SLC41A1: variants seen among roughly 807,000 people sequenced by gnomAD.
SLC41A1 encodes the protein solute carrier family 41 (magnesium transporter), member 1.
In SLC41A1, 20 loss-of-function variants were observed where a neutral mutation model predicts 47.3. The ratio of observed to expected loss-of-function variants is 0.42; its 90% CI spans 0.30 to 0.61. The LOEUF (loss-of-function observed/expected upper bound fraction) is 0.61. SLC41A1 is among the 20% of genes least tolerant of loss of function. SLC41A1 has a pLI of 0.17. For synonymous variants in SLC41A1, 282 were observed against 272.7 expected (o/e 1.03, Z -0.34); for missense variants, 504 against 674.1 (o/e 0.75, Z 2.79).
chr1:205,812,901 C>A lies in SLC41A1; in HGVS notation c.-740G>T. ...CAGGGCACCCCCTCTTCTCATCACT[C>A]CTCCTCGACAGTCCTCCTTGGCCCC... On this transcript the variant is annotated 5_prime_UTR_variant, in exon 1 of 11. Coordinates refer to ENST00000367137, the MANE Select transcript of SLC41A1 (RefSeq NM_173854.6). 1.0e-6 allele frequency: 1 copy of A among 985,514 alleles called. No individual in the cohort carries two copies. Among genetic ancestry groups the A allele is most frequent in the Non-Finnish European group, 1.2e-6 (1 of 830,016 alleles). The allele number at this position is 985,514 out of a possible 1,614,324, so 61.0% of individuals were successfully genotyped here. A position where few individuals can be genotyped will look rare whatever the true frequency, so the allele number is the denominator to read the frequency against.
Position 205,810,508 on chromosome 1 carries a change from A to G in SLC41A1, c.-67T>C. 6.2e-7 allele frequency: 1 copy of G among 1,611,792 alleles called. No individual in the cohort carries two copies. Among genetic ancestry groups the G allele is most frequent in the South Asian group, 1.1e-5 (1 of 90,562 alleles). On this transcript the variant is annotated 5_prime_UTR_variant, in exon 2 of 11. Transcript: ENST00000367137. This position sits in a 1 kb window ranked among gnomAD's most constrained non-coding sequence, Gnocchi z 5.5. ...TTTTTGCTTTCTCTCTTCTTCTCTA[A>G]CTTGGGAAAGAACTTAGTCTTGGGG...
chr1:205,803,656 G>C (rs1428345294), intron 2 of SLC41A1, among the ~76,000 whole-genome samples: 6 of 110,116 alleles, frequency 5.4e-5, no homozygotes, highest in African/African-American at 2.2e-4. Flanking sequence ...TTTTTTTCTT[G>C]AGACACGGTC....
chr1:205,799,327 T>C (rs1655817862), intron 4 of SLC41A1, among the ~76,000 whole-genome samples: 2 of 152,234 alleles, frequency 1.3e-5, no homozygotes, highest in African/African-American at 4.8e-5. Context: ...AACATGTTAC[T>C]GGCTGAATGA....
chr1:205,807,648 G>GTTTT lies in SLC41A1; in HGVS notation c.372+2421_372+2422insAAAA, dbSNP rs1170069554. ...ACAAAGAAAATAGGCTCCTCGTAGA[G>GTTTT]TCTTTTTTTTTTTTTTTTTTTTTTT... On this transcript the variant is annotated intron_variant, in intron 2 of 10. Transcript: ENST00000367137. 2.0e-4 allele frequency among the ~76,000 whole-genome samples: 20 copies of GTTTT among 100,146 alleles called. 1 individual carries two copies. The highest frequency in any genetic ancestry group is 2.2e-4 in the Non-Finnish European group (11 of 49,146). The allele number at this position is 100,146 out of a possible 152,430, so 65.7% of individuals were successfully genotyped here. A position where few individuals can be genotyped will look rare whatever the true frequency, so the allele number is the denominator to read the frequency against.
chr1:205,812,677 C>T (rs1321916236), intron 1 of SLC41A1, 131 bp downstream of exon 1: 5 of 921,014 alleles, frequency 5.4e-6, no homozygotes, highest in Non-Finnish European at 6.5e-6. Flanking sequence ...ATCCCCAACC[C>T]CGAGGAGGGA....
chr1:205,796,882 TC>T (rs1290670815), intron 8 of SLC41A1, 41 bp downstream of exon 8: 3 of 1,590,332 alleles, frequency 1.9e-6, no homozygotes, highest in South Asian at 1.1e-5. Flanking sequence ...TCCCTTTCCT[TC>T]CCCCAGCCCT....
At chr1:205,804,035 A>C (rs1655955266) in intron 2 of SLC41A1, among the ~76,000 whole-genome samples, 1 of 152,140 alleles carries the variant, frequency 6.6e-6, no homozygotes, top group Non-Finnish European at 1.5e-5. Flanking sequence ...GAAGATGAGG[A>C]GTTCTGGAGA....
intron 2 of SLC41A1, among the ~76,000 whole-genome samples, chr1:205,804,246 T>G (rs1165034543): frequency 1.3e-5 from 2 of 152,152 alleles, no homozygotes; most frequent in Admixed American, 1.3e-4. Context: ...AACCTCTCTT[T>G]TCCTGTCGGA....
chr1:205,797,803 T>C lies in SLC41A1; in HGVS notation c.992+101A>G, dbSNP rs1013555292. On this transcript the variant is annotated intron_variant, in intron 7 of 10. Transcript: ENST00000367137. Reference sequence around the variant, plus strand: ...TGTGACTGAAACACTAATGAACACATTTCTAGGGTCTGACCCCCACCCCAT... The same window carrying C: ...TGTGACTGAAACACTAATGAACACACTTCTAGGGTCTGACCCCCACCCCAT... The C allele has an allele frequency of 4.2e-6, 6 of 1,445,550 alleles. No homozygotes were observed. In the African/African-American group the frequency reaches 8.4e-5, roughly 20 times the overall value. 89.5% of individuals were successfully genotyped at this position (1,445,550 alleles called of 1,614,324 possible).
chr1:205,806,919 T>G (rs1024869260), intron 2 of SLC41A1, among the ~76,000 whole-genome samples: 4 of 152,098 alleles, frequency 2.6e-5, no homozygotes, highest in African/African-American at 9.7e-5. Flanking sequence ...GAAACCAAGT[T>G]TTCTACAGCA....
chr1:205,794,813 C>T, intron 10 of SLC41A1, 57 bp downstream of exon 10: 1 of 1,609,308 alleles, frequency 6.2e-7, no homozygotes, highest in Non-Finnish European at 8.5e-7. Context: ...GCCTCCTCTC[C>T]CATCCCTGCA....
intron 2 of SLC41A1, among the ~76,000 whole-genome samples, chr1:205,804,040 T>C (rs933518789): frequency 6.6e-6 from 1 of 152,200 alleles, no homozygotes; most frequent in South Asian, 2.1e-4. Context: ...TGAGGAGTTC[T>C]GGAGATCTGT....
At chr1:205,792,126 A>G (rs1334352561) in intron 10 of SLC41A1, among the ~76,000 whole-genome samples, 2 of 152,160 alleles carry the variant, frequency 1.3e-5, no homozygotes, top group Non-Finnish European at 2.9e-5. Context: ...GGAGCATGGC[A>G]GGGGGCTGGC....
Position 205,809,974 on chromosome 1 carries a change from A to T in SLC41A1, c.372+96T>A. 5 of 1,554,472 alleles carry T rather than the reference A, an allele frequency of 3.2e-6. No individual in the cohort carries two copies. The South Asian group carries it at 5.8e-5, about 18-fold the overall frequency. On this transcript the variant is annotated intron_variant, in intron 2 of 10. Coordinates refer to ENST00000367137, the MANE Select transcript of SLC41A1 (RefSeq NM_173854.6). ...AACAGTATTCTAGGAAGCAGCAGCC[A>T]CTTCTGACAGGGAGGTAGAGAGGAA...
At chr1:205,805,166 A>G (rs1655987362) in intron 2 of SLC41A1, among the ~76,000 whole-genome samples, 1 of 152,138 alleles carries the variant, frequency 6.6e-6, no homozygotes, top group Admixed American at 6.5e-5. Flanking sequence ...CTCTTACAGA[A>G]TATAGCCTGG....
chr1:205,799,255 C>T (rs1321145134), intron 4 of SLC41A1, among the ~76,000 whole-genome samples, 154 bp from the exon 5 acceptor site: 1 of 152,138 alleles, frequency 6.6e-6, no homozygotes, highest in Non-Finnish European at 1.5e-5. Flanking sequence ...GGAAGGATGT[C>T]TTTATTTATT....
intron 5 of SLC41A1, 69 bp downstream of exon 5, chr1:205,798,888 A>T: frequency 1.2e-6 from 2 of 1,614,094 alleles, no homozygotes; most frequent in Middle Eastern, 1.6e-4. Context: ...AAAAAGAGAG[A>T]GTGGAAGTGC....
rs540362018 is a variant in SLC41A1, at chr1:205,791,396, T to C, written c.*137A>G. On this transcript the variant is annotated 3_prime_UTR_variant, in exon 11 of 11. Transcript: ENST00000367137. This position sits in a 1 kb window ranked among gnomAD's most constrained non-coding sequence, Gnocchi z 4.0. The stretch of plus-strand genomic sequence containing the variant: ...TGGCTCAATGTATAAAAATTCCCAT[T>C]GAAAATAATGAGAATTTGGTATCAA... 1 of 1,119,638 alleles carries C rather than the reference T, an allele frequency of 8.9e-7. No homozygotes were observed. Among genetic ancestry groups the C allele is most frequent in the South Asian group, 1.3e-5 (1 of 74,078 alleles). The allele number at this position is 1,119,638 out of a possible 1,614,324, so 69.4% of individuals were successfully genotyped here.
intron 2 of SLC41A1, among the ~76,000 whole-genome samples, chr1:205,802,456 C>T (rs1020431381): frequency 6.6e-6 from 1 of 152,170 alleles, no homozygotes; most frequent in African/African-American, 2.4e-5. Context: ...GCGGCTCACA[C>T]CTATAATCCC....
Sources: gnomAD v4.1 joint callset for allele counts (sites outside exome capture counted in the v4.1 genomes callset) on GRCh38, gnomAD v4.1.1 for gene constraint, Gnocchi (gnomAD v3.1) non-coding constraint, MANE v1.5 for transcripts, NCBI Gene and HGNC (gene_info 2026-07-23, HGNC 2026-07-21) for gene names.